The following AXDND1 variants were observed in gnomAD, a reference collection of about 807,000 sequenced individuals.
AXDND1 encodes axonemal dynein light chain domain-containing protein 1.
A neutral mutation model predicts 137.5 loss-of-function variants in AXDND1; 110 were observed. That is an observed-to-expected ratio of 0.80 (90% CI 0.69 to 0.94). The LOEUF is 0.94. Ranked by LOEUF, AXDND1 falls within the 40% of genes least tolerant of loss-of-function variation. The pLI is 0.00. For missense variants in AXDND1, 1,191 were observed against 1,169.8 expected (o/e 1.02, Z -0.26); for synonymous variants, 414 against 399.7 (o/e 1.04, Z -0.43).
chr1:179,520,617 G>T (rs1669961441), intron 21 of AXDND1, among the ~76,000 whole-genome samples: 2 of 151,686 alleles, frequency 1.3e-5, no homozygotes, highest in African/African-American at 4.8e-5. Context: ...TTAAAAATAA[G>T]ATTTTTTAAA....
intron 16 of AXDND1, chr1:179,456,616 C>T (rs1396511483): frequency 4.8e-6 from 4 of 829,696 alleles, no homozygotes; most frequent in East Asian, 2.4e-5. Context: ...TTATAGCCAT[C>T]CCCACTGCCA....
At chr1:179,380,037 C>T (rs1001726890) in intron 6 of AXDND1, among the ~76,000 whole-genome samples, 1 of 152,002 alleles carries the variant, frequency 6.6e-6, no homozygotes, top group Non-Finnish European at 1.5e-5. Context: ...ATCACGAGGT[C>T]GGGAGATCAA....
At chr1:179,505,653 A>G (rs1287287225) in intron 20 of AXDND1, among the ~76,000 whole-genome samples, 5 of 152,210 alleles carry the variant, frequency 3.3e-5, no homozygotes, top group South Asian at 4.2e-4. Context: ...ATCTCAAAAA[A>G]AAAAAAAGAA....
intron 2 of AXDND1, among the ~76,000 whole-genome samples, chr1:179,367,591 G>C (rs1354606253): frequency 2.6e-5 from 4 of 151,836 alleles, no homozygotes; most frequent in African/African-American, 9.7e-5. Context: ...ACAAAATTTA[G>C]CCTGGTGTGG....
At chr1:179,457,907 A>G (rs538376484) in intron 16 of AXDND1, among the ~76,000 whole-genome samples, 1 of 151,924 alleles carries the variant, frequency 6.6e-6, no homozygotes, top group Admixed American at 6.5e-5. Flanking sequence ...CTAGAATAGG[A>G]TTGTTGCTAA....
Position 179,430,580 on chromosome 1 carries a change from G to C in AXDND1, c.1461G>C (p.Gly487=). The change falls in exon 14 of 26, where the codon GGG becomes GGC. Residue 487 remains glycine (G), a synonymous_variant. Transcript: ENST00000367618. ...TSETLKIVKD[G]LIKWQEFFNE... is the part of the protein sequence containing the mutation. ...AGACACTGAAAATTGTTAAGGATGGGCTTATCAAATGGCAGGAGTTCTTCA... is the reference window on the plus strand; with the variant it reads ...AGACACTGAAAATTGTTAAGGATGGCCTTATCAAATGGCAGGAGTTCTTCA... 6.2e-7 allele frequency: 1 copy of C among 1,612,344 alleles called. No individual in the cohort carries two copies. The highest frequency in any genetic ancestry group is 1.3e-5 in the African/African-American group (1 of 74,892).
At chr1:179,465,657 A>G (rs1663039216) in intron 16 of AXDND1, among the ~76,000 whole-genome samples, 1 of 152,218 alleles carries the variant, frequency 6.6e-6, no homozygotes, top group Admixed American at 6.5e-5. Flanking sequence ...GCTGTCAGCC[A>G]GGGATGTTTA....
chr1:179,464,223 A>C (rs989534734), intron 16 of AXDND1, among the ~76,000 whole-genome samples: 1 of 152,152 alleles, frequency 6.6e-6, no homozygotes, highest in African/African-American at 2.4e-5. Context: ...TGGTCGTTAC[A>C]ATTTGGCATG....
chr1:179,400,688 G>A (rs1042180371), intron 11 of AXDND1, among the ~76,000 whole-genome samples: 8 of 149,296 alleles, frequency 5.4e-5, no homozygotes, highest in African/African-American at 1.7e-4. Flanking sequence ...CAGATCACGA[G>A]GTCAGGAGAT....
intron 4 of AXDND1, 89 bp from the exon 5 acceptor site, chr1:179,378,548 A>G (rs1006665188): frequency 8.2e-5 from 85 of 1,036,928 alleles, no homozygotes; most frequent in Non-Finnish European, 1.0e-4. Flanking sequence ...CATCTTACCC[A>G]TTAGAAGGAT....
chr1:179,466,416 C>T (rs183669924), intron 16 of AXDND1, among the ~76,000 whole-genome samples: 8 of 151,386 alleles, frequency 5.3e-5, no homozygotes, highest in Non-Finnish European at 1.2e-4. Context: ...TGAGCCACTG[C>T]GCTGGGCCTT....
At chr1:179,467,371 A>G (rs989775841) in intron 16 of AXDND1, among the ~76,000 whole-genome samples, 1 of 152,200 alleles carries the variant, frequency 6.6e-6, no homozygotes, top group African/African-American at 2.4e-5. Flanking sequence ...CGGGTTCTGC[A>G]TCATCAGATT....
chr1:179,528,474 C>A, intron 23 of AXDND1, 43 bp downstream of exon 23: 1 of 1,371,892 alleles, frequency 7.3e-7, no homozygotes, highest in Non-Finnish European at 1.0e-6. Context: ...CACTATTTAA[C>A]ATTGCATAAA....
intron 9 of AXDND1, among the ~76,000 whole-genome samples, chr1:179,391,803 G>A (rs1650250893): frequency 6.6e-6 from 1 of 152,104 alleles, no homozygotes; most frequent in Non-Finnish European, 1.5e-5. Flanking sequence ...CTCCCAAAGT[G>A]CTGGGATTAC....
intron 16 of AXDND1, chr1:179,452,645 G>A (rs1246940527): frequency 3.2e-5 from 4 of 126,452 alleles, no homozygotes; most frequent in African/African-American, 6.4e-5. Flanking sequence ...CCGAGATTGC[G>A]CCACTGCAGT....
intron 25 of AXDND1, chr1:179,551,802 A>G: frequency 3.5e-6 from 1 of 289,272 alleles, no homozygotes; most frequent in East Asian, 8.3e-5. Context: ...GTGACCCCCA[A>G]CTCAGGGAAA....
intron 21 of AXDND1, among the ~76,000 whole-genome samples, chr1:179,520,678 A>G (rs1669966577): frequency 1.3e-5 from 2 of 151,948 alleles, no homozygotes; most frequent in Non-Finnish European, 2.9e-5. Flanking sequence ...CATGTTTATG[A>G]TGCTGAATTG....
rs1199193300 is a variant in AXDND1 at position 179,456,187 on chromosome 1, C to T, written c.1798+10983C>T. 9 of 741,244 alleles carry T rather than the reference C, an allele frequency of 1.2e-5. No individual in the cohort carries two copies. In the Admixed American group the frequency reaches 1.4e-4, roughly 11 times the overall value. The allele number at this position is 741,244 out of a possible 1,614,324, so 45.9% of individuals were successfully genotyped here. Reference sequence around the variant, plus strand: ...GTAACCTGTAGCTTCCCTGTCACTTCTCTGGATCTCCTCTCCTGCTAAGCT... The same window carrying T: ...GTAACCTGTAGCTTCCCTGTCACTTTTCTGGATCTCCTCTCCTGCTAAGCT... On this transcript the variant is annotated intron_variant, in intron 16 of 25. Transcript: ENST00000367618.
At chr1:179,449,314 T>C in intron 16 of AXDND1, 1 of 306,052 alleles carries the variant, frequency 3.3e-6, no homozygotes, top group East Asian at 1.2e-4. Context: ...CTTGGCATCC[T>C]TGTCAAAAAT....
Sources: gnomAD v4.1 joint callset for allele counts (sites outside exome capture counted in the v4.1 genomes callset) on GRCh38, gnomAD v4.1.1 for gene constraint, MANE v1.5 for transcripts, NCBI Gene and HGNC (gene_info 2026-07-23, HGNC 2026-07-21) for gene names.